Variants in ARFGEF1 observed in about 807,000 individuals in gnomAD.
ARFGEF1 encodes ARF guanine nucleotide exchange factor 1.
ARFGEF1 carries 42 observed loss-of-function variants against 231.0 expected under a neutral mutation model. The ratio of observed to expected loss-of-function variants is 0.18; its 90% CI spans 0.14 to 0.24. ARFGEF1 has a LOEUF of 0.24. ARFGEF1 is among the 10% of genes least tolerant of loss of function. The pLI is 1.00. For missense variants in ARFGEF1, 1,345 were observed against 2,192.0 expected (o/e 0.61, Z 7.72); for synonymous variants, 710 against 732.3 (o/e 0.97, Z 0.49).
Position 67,204,664 on chromosome 8 carries a change from C to G in ARFGEF1, c.4959+16G>C. Reference sequence around the variant, plus strand: ...CTACTTACACAAAAAAAGCAGCTGTCCTCCTATCTCCTTACCTGTGCTGCA... The same window carrying G: ...CTACTTACACAAAAAAAGCAGCTGTGCTCCTATCTCCTTACCTGTGCTGCA... On this transcript the variant is annotated intron_variant, in intron 35 of 38. Transcript: ENST00000262215. The G allele has an allele frequency of 6.2e-7, 1 of 1,601,586 alleles. No homozygotes were observed. Among genetic ancestry groups the G allele is most frequent in the Non-Finnish European group, 8.5e-7 (1 of 1,172,812 alleles).
chr8:67,242,109 G>A (rs4364616), intron 19 of ARFGEF1, among the ~76,000 whole-genome samples: 3,393 of 152,224 alleles, frequency 0.022, 82 homozygotes, highest in South Asian at 0.047. Flanking sequence ...AAATGTTCTG[G>A]GGCCCTAAAT....
intron 7 of ARFGEF1, among the ~76,000 whole-genome samples, chr8:67,286,092 T>C (rs1805745626): frequency 6.6e-6 from 1 of 152,160 alleles, no homozygotes; most frequent in Non-Finnish European, 1.5e-5. Flanking sequence ...GGTATGAAAA[T>C]GGAATTGTGC....
At chr8:67,264,468 A>G (rs1804765584) in intron 14 of ARFGEF1, among the ~76,000 whole-genome samples, 1 of 152,096 alleles carries the variant, frequency 6.6e-6, no homozygotes, top group Non-Finnish European at 1.5e-5. Context: ...TACAAAAATA[A>G]CAGGCTTCTC....
At chr8:67,220,939 G>C (rs1385033128) in intron 29 of ARFGEF1, among the ~76,000 whole-genome samples, 2 of 149,710 alleles carry the variant, frequency 1.3e-5, no homozygotes, top group Non-Finnish European at 3.0e-5. Flanking sequence ...AGTTGGTATA[G>C]GGAAAAATAA....
downstream of ARFGEF1, chr8:67,193,597 A>G (rs1228985350): frequency 7.4e-6 from 12 of 1,612,974 alleles, no homozygotes; most frequent in South Asian, 1.1e-5. Context: ...AAACCTATTA[A>G]TACAGGTAAA....
At chr8:67,207,543 C>T (rs922715057) in intron 34 of ARFGEF1, among the ~76,000 whole-genome samples, 1 of 152,218 alleles carries the variant, frequency 6.6e-6, no homozygotes, top group Non-Finnish European at 1.5e-5. Context: ...CAAGGTCTGA[C>T]ACTGCCAGGG....
chr8:67,220,566 C>T (rs1839111620), intron 29 of ARFGEF1, among the ~76,000 whole-genome samples: 1 of 152,158 alleles, frequency 6.6e-6, no homozygotes, highest in South Asian at 2.1e-4. Context: ...TATTTGATCC[C>T]TAAGATACCT....
At chr8:67,302,956 G>A (rs962849544) in intron 1 of ARFGEF1, among the ~76,000 whole-genome samples, 2 of 151,194 alleles carry the variant, frequency 1.3e-5, no homozygotes, top group Admixed American at 6.6e-5. Flanking sequence ...TGGGCATGGT[G>A]GTGTATGCCT....
intron 33 of ARFGEF1, 124 bp downstream of exon 33, chr8:67,216,466 C>G: frequency 2.3e-6 from 2 of 851,772 alleles, no homozygotes; most frequent in Non-Finnish European, 3.5e-6. Flanking sequence ...ATAAGTAATC[C>G]AGTCTCAGAT....
intron 34 of ARFGEF1, 115 bp from the exon 35 acceptor site, chr8:67,204,934 T>A: frequency 8.0e-7 from 1 of 1,256,260 alleles, no homozygotes; most frequent in Non-Finnish European, 1.1e-6. Context: ...CATATCACAC[T>A]GAGAAGGACA....
intron 34 of ARFGEF1, among the ~76,000 whole-genome samples, chr8:67,205,869 TAAA>T (rs1563835222): frequency 7.7e-5 from 11 of 143,122 alleles, no homozygotes; most frequent in African/African-American, 3.1e-4. Flanking sequence ...AAAAAATAAA[TAAA>T]TAAATAAATA....
rs778176082 is a variant in ARFGEF1, at chr8:67,227,325, T to A, written c.3744-16A>T. On this transcript the variant is annotated splice_polypyrimidine_tract_variant and intron_variant, in intron 26 of 38. Coordinates refer to ENST00000262215, the MANE Select transcript of ARFGEF1 (RefSeq NM_006421.5). ...TGTTGGAGACCTAAAAATATTAATA[T>A]AATTGCTTGGATATGCAAACCGATA... is the stretch of plus-strand genomic sequence containing the variant. 1 of 1,606,968 alleles carries A rather than the reference T, an allele frequency of 6.2e-7. No homozygotes were observed. The highest frequency in any genetic ancestry group is 8.5e-7 in the Non-Finnish European group (1 of 1,175,074).
chr8:67,221,890 T>C (rs1839175531), intron 29 of ARFGEF1, among the ~76,000 whole-genome samples: 1 of 151,154 alleles, frequency 6.6e-6, no homozygotes, highest in Non-Finnish European at 1.5e-5. Flanking sequence ...CTCTGCTCAC[T>C]GCAAGCTCCA....
chr8:67,280,770 C>A lies in ARFGEF1; in HGVS notation c.1028-3313G>T, dbSNP rs577228541. On this transcript the variant is annotated intron_variant, in intron 7 of 38. Coordinates refer to ENST00000262215, the MANE Select transcript of ARFGEF1 (RefSeq NM_006421.5). ...AGGTCTGCCTTTGGACCACAGACAC[C>A]TCATGAATTTTGGAAAGGAAGGCCT... Among the ~76,000 whole-genome samples the A allele has an allele frequency of 4.6e-5, 7 of 152,200 alleles. No homozygotes were observed. The South Asian group carries it at 1.5e-3, about 32-fold the overall frequency.
intron 1 of ARFGEF1, among the ~76,000 whole-genome samples, chr8:67,318,762 T>A (rs748988963): frequency 6.6e-6 from 1 of 151,934 alleles, no homozygotes; most frequent in Non-Finnish European, 1.5e-5. Context: ...ATGGCTTGAG[T>A]TCAGGAATTC....
chr8:67,173,899 T>TA (rs1830997455), downstream of ARFGEF1: 1 of 152,220 alleles, frequency 6.6e-6, no homozygotes, highest in African/African-American at 2.4e-5. Context: ...CTCTCATGTG[T>TA]ATATAGATTG....
Position 67,343,284 on chromosome 8 carries a change from A to C in ARFGEF1, c.4T>G (p.Tyr2Asp), listed in dbSNP as rs1326853723. The change falls in exon 1 of 39, where the codon TAT becomes GAT. Residue 2 changes from tyrosine (Y) to aspartate (D), a missense_variant. Coordinates refer to ENST00000262215, the MANE Select transcript of ARFGEF1 (RefSeq NM_006421.5). M[Y>D]EGKKTKNMFL... ...ATGTTCTTCGTCTTCTTCCCCTCAT[A>C]CATGGACGCAGAGAAGGAGGCGGCG... is the stretch of plus-strand genomic sequence containing the variant. 12 of 1,609,498 alleles carry C rather than the reference A, an allele frequency of 7.5e-6. No individual in the cohort carries two copies. The highest frequency in any genetic ancestry group is 9.3e-6 in the Non-Finnish European group (11 of 1,177,224).
At chr8:67,242,867 C>T (rs1278500044) in intron 19 of ARFGEF1, among the ~76,000 whole-genome samples, 1 of 152,174 alleles carries the variant, frequency 6.6e-6, no homozygotes, top group Non-Finnish European at 1.5e-5. Context: ...TGAACATCAG[C>T]AGTAGCTTGG....
intron 20 of ARFGEF1, 116 bp downstream of exon 20, chr8:67,240,046 T>C: frequency 2.2e-6 from 3 of 1,377,436 alleles, no homozygotes; most frequent in African/African-American, 1.5e-5. Context: ...AATTCCATCA[T>C]AAACTTGAAA....
Sources: gnomAD v4.1 joint callset for allele counts (sites outside exome capture counted in the v4.1 genomes callset) on GRCh38, gnomAD v4.1.1 for gene constraint, MANE v1.5 for transcripts, NCBI Gene and HGNC (gene_info 2026-07-23, HGNC 2026-07-21) for gene names.